Variants in CMIP observed in about 807,000 individuals in gnomAD.
CMIP encodes the protein c-Maf inducing protein, also known as C-Maf-inducing protein.
Under a neutral mutation model 97.3 loss-of-function variants are expected in CMIP, and 13 were observed. The ratio of observed to expected loss-of-function variants is 0.13; its 90% CI spans 0.09 to 0.21. The LOEUF is 0.21. CMIP is among the 10% of genes least tolerant of loss of function. The pLI is 1.00. For missense variants in CMIP, 847 were observed against 1,024.9 expected, an observed-to-expected ratio of 0.83 and a Z score of 2.37; for synonymous variants, 538 against 436.3, an observed-to-expected ratio of 1.23 and a Z score of -2.91.
Position 81,610,242 on chromosome 16 carries a change from G to A in CMIP, c.426+2550G>A, listed in dbSNP as rs1430913083. ...GTCCCTTTAACCCGGCTGTGGCCGCGGGCCCAGCTGTGATGACTCGCCTGG... is the reference window on the plus strand; with the variant it reads ...GTCCCTTTAACCCGGCTGTGGCCGCAGGCCCAGCTGTGATGACTCGCCTGG... On this transcript the variant is annotated intron_variant, in intron 2 of 20. Transcript: ENST00000537098. 6.9e-6 allele frequency: 6 copies of A among 871,504 alleles called. No homozygotes were observed. In the African/African-American group the frequency reaches 7.3e-5, roughly 11 times the overall value. 54.0% of individuals were successfully genotyped at this position (871,504 alleles called of 1,614,324 possible).
At chr16:81,709,459 G>A (rs1378420650) in intron 20 of CMIP, among the ~76,000 whole-genome samples, 1 of 152,176 alleles carries the variant, frequency 6.6e-6, no homozygotes, top group East Asian at 1.9e-4. Context: ...GGCAGGGCCT[G>A]GATTCAAACC....
intron 1 of CMIP, among the ~76,000 whole-genome samples, chr16:81,604,300 G>A (rs2091705029): frequency 6.6e-6 from 1 of 151,438 alleles, no homozygotes; most frequent in Admixed American, 6.6e-5. Flanking sequence ...GGAGGCTGAG[G>A]CAGGAGAATC....
intron 1 of CMIP, among the ~76,000 whole-genome samples, chr16:81,605,451 T>G (rs975581835): frequency 1.3e-5 from 2 of 152,208 alleles, no homozygotes; most frequent in Non-Finnish European, 1.5e-5. Context: ...CACCACTGTC[T>G]CCTTTCAAGT....
intron 1 of CMIP, among the ~76,000 whole-genome samples, chr16:81,448,461 A>G (rs1906002324): frequency 6.6e-6 from 1 of 152,228 alleles, no homozygotes; most frequent in Admixed American, 6.5e-5. Flanking sequence ...CTGCTGGGTG[A>G]CACCGGCTAG....
chr16:81,470,928 G>C (rs1907489257), intron 1 of CMIP, among the ~76,000 whole-genome samples: 1 of 152,238 alleles, frequency 6.6e-6, no homozygotes, highest in African/African-American at 2.4e-5. Flanking sequence ...GTTATGATTG[G>C]TGTACATACA....
chr16:81,525,970 A>G (rs2090123736), intron 1 of CMIP, among the ~76,000 whole-genome samples: 1 of 136,846 alleles, frequency 7.3e-6, no homozygotes, highest in Admixed American at 7.8e-5. Context: ...AAGGTTGACT[A>G]ATAATACGTG....
rs146965168 is a variant in CMIP, at chr16:81,614,270, G to C, written c.426+6578G>C. Among the ~76,000 whole-genome samples, 5 of 152,232 alleles carry C rather than the reference G, an allele frequency of 3.3e-5. No homozygotes were observed. Among genetic ancestry groups the C allele is most frequent in the Non-Finnish European group, 5.9e-5 (4 of 68,034 alleles). On this transcript the variant is annotated intron_variant, in intron 2 of 20. Transcript: ENST00000537098. The surrounding 1 kb of genome is among the most constrained non-coding windows in gnomAD (Gnocchi z 5.3). ...GCCAGGTGCTGCCACAGTCACCAGC[G>C]ACCACGCATTCTAGGTGGCTGGAAG...
chr16:81,468,159 C>G (rs912976268), intron 1 of CMIP, among the ~76,000 whole-genome samples: 2 of 152,070 alleles, frequency 1.3e-5, no homozygotes, highest in Admixed American at 6.5e-5. Context: ...TTTTGGAGCC[C>G]AAGATAATGA....
chr16:81,452,824 C>G (rs1225961103), intron 1 of CMIP, among the ~76,000 whole-genome samples: 2 of 150,832 alleles, frequency 1.3e-5, no homozygotes, highest in Non-Finnish European at 2.9e-5. Flanking sequence ...CTCCTTGCCC[C>G]GTAAAGCTTC....
chr16:81,682,961 G>A (rs1251001780), intron 10 of CMIP, among the ~76,000 whole-genome samples: 2 of 152,238 alleles, frequency 1.3e-5, no homozygotes, highest in Non-Finnish European at 2.9e-5. Context: ...TTCGGGAGGC[G>A]AAGAAGAGCT....
chr16:81,627,990 C>T lies in CMIP; in HGVS notation c.477+7064C>T, dbSNP rs747781591. On this transcript the variant is annotated intron_variant, in intron 3 of 20. Coordinates refer to ENST00000537098, the MANE Select transcript of CMIP (RefSeq NM_198390.3). This position sits in a 1 kb window ranked among gnomAD's most constrained non-coding sequence, Gnocchi z 4.6. ...CCCACTGGCTGCACCCTCAGGAGGG[C>T]GGGATCCATCACCCTCATCCCCATG... Among the ~76,000 whole-genome samples, 25 of 152,100 alleles carry T rather than the reference C, an allele frequency of 1.6e-4. No homozygotes were observed. Among genetic ancestry groups the T allele is most frequent in the Non-Finnish European group, 2.2e-4 (15 of 68,008 alleles).
chr16:81,535,020 G>A (rs956000029), intron 1 of CMIP, among the ~76,000 whole-genome samples: 2 of 151,964 alleles, frequency 1.3e-5, no homozygotes, highest in East Asian at 1.9e-4. Flanking sequence ...GCGTGATCTC[G>A]GCTCACTCTA....
chr16:81,640,605 A>G (rs1878724778), intron 3 of CMIP, among the ~76,000 whole-genome samples: 1 of 152,166 alleles, frequency 6.6e-6, no homozygotes, highest in South Asian at 2.1e-4. Flanking sequence ...AGGTGTCAGC[A>G]GGGCCACATT....
At chr16:81,532,149 C>G (rs1378185557) in intron 1 of CMIP, among the ~76,000 whole-genome samples, 1 of 152,186 alleles carries the variant, frequency 6.6e-6, no homozygotes, top group East Asian at 1.9e-4. Flanking sequence ...TGCCCAGGTC[C>G]GAAGTGTTTC....
At chr16:81,580,952 C>G (rs9939507) in intron 1 of CMIP, among the ~76,000 whole-genome samples, 5 of 140,672 alleles carry the variant, frequency 3.6e-5, no homozygotes, top group African/African-American at 1.5e-4. Context: ...TCTTCCAGCC[C>G]CCTGACAGCC....
intron 1 of CMIP, among the ~76,000 whole-genome samples, chr16:81,603,114 C>G (rs1175841385): frequency 1.3e-5 from 2 of 152,172 alleles, no homozygotes; most frequent in African/African-American, 4.8e-5. Context: ...GAGTCTTGCT[C>G]TGTTGCCCAG....
In CMIP at chr16:81,670,327, G is replaced by A. The variant is rs879108226; in HGVS notation, c.929+82G>A. ...CTGTTTACTCAGATATCCACGGGGG[G>A]CTGTCGTGTAATTAAATGAAGACTC... On this transcript the variant is annotated intron_variant, in intron 8 of 20. Transcript: ENST00000537098. 17 of 1,416,820 alleles carry A rather than the reference G, an allele frequency of 1.2e-5. 1 individual carries two copies. Among genetic ancestry groups the A allele is most frequent in the South Asian group, 1.1e-4 (9 of 79,098 alleles). The allele number at this position is 1,416,820 out of a possible 1,614,324, so 87.8% of individuals were successfully genotyped here. A position where few individuals can be genotyped will look rare whatever the true frequency, so the allele number is the denominator to read the frequency against.
chr16:81,578,820 C>T (rs2091246647), intron 1 of CMIP, among the ~76,000 whole-genome samples: 1 of 152,216 alleles, frequency 6.6e-6, no homozygotes, highest in African/African-American at 2.4e-5. Context: ...CAGATAAGCC[C>T]GTGCCATTGC....
intron 1 of CMIP, among the ~76,000 whole-genome samples, chr16:81,554,303 A>T (rs1169250346): frequency 6.6e-6 from 1 of 152,212 alleles, no homozygotes; most frequent in Non-Finnish European, 1.5e-5. Flanking sequence ...TTAACCTGTT[A>T]TTCTCTATCT....
Sources: allele counts gnomAD v4.1 joint callset (sites outside exome capture counted in the v4.1 genomes callset), GRCh38; gene constraint gnomAD v4.1.1; non-coding constraint Gnocchi (gnomAD v3.1); transcripts MANE v1.5; gene names NCBI Gene and HGNC (gene_info 2026-07-23, HGNC 2026-07-21).